Variants in MAP3K7 observed in about 807,000 individuals in gnomAD.
MAP3K7 encodes TGF-beta activated kinase 1.
Under a neutral mutation model 84.8 loss-of-function variants are expected in MAP3K7, and 21 were observed. The observed-to-expected ratio is 0.25, with a 90% CI of 0.18 to 0.36. MAP3K7 has a LOEUF of 0.36. Ranked by LOEUF, MAP3K7 falls within the 10% of genes least tolerant of loss-of-function variation. The pLI is 1.00. For missense variants in MAP3K7, 503 were observed against 747.7 expected, an observed-to-expected ratio of 0.67 and a Z score of 3.82; for synonymous variants, 241 against 247.7, an observed-to-expected ratio of 0.97 and a Z score of 0.25.
rs111435727 is a variant in MAP3K7 at position 90,542,707 on chromosome 6, C to T, written c.1291+1845G>A. Among the ~76,000 whole-genome samples, 166 of 152,020 alleles carry T rather than the reference C, an allele frequency of 1.1e-3. 1 individual carries two copies. Among genetic ancestry groups the T allele is most frequent in the African/African-American group, 3.5e-3 (145 of 41,510 alleles). On this transcript the variant is annotated intron_variant, in intron 12 of 16. Coordinates refer to ENST00000369329, the MANE Select transcript of MAP3K7 (RefSeq NM_145331.3). Reference sequence around the variant, plus strand: ...TCTGTTAAACAGCTATAATTTCATCCGATAACCTAGTTGTAAGATTGTATA... The same window carrying T: ...TCTGTTAAACAGCTATAATTTCATCTGATAACCTAGTTGTAAGATTGTATA...
chr6:90,547,999 G>A, intron 10 of MAP3K7, 48 bp downstream of exon 10: 1 of 1,503,552 alleles, frequency 6.7e-7, no homozygotes, highest in Non-Finnish European at 9.0e-7. Context: ...GTATAATATT[G>A]TGACTACTGG....
At chr6:90,585,888 A>G (rs1204257655) in intron 1 of MAP3K7, among the ~76,000 whole-genome samples, 2 of 152,178 alleles carry the variant, frequency 1.3e-5, no homozygotes, top group Non-Finnish European at 2.9e-5. Context: ...CATTAGCCCA[A>G]CTGAAAGCCG....
At chr6:90,526,291 C>T (rs1420061478) in intron 13 of MAP3K7, among the ~76,000 whole-genome samples, 2 of 152,082 alleles carry the variant, frequency 1.3e-5, no homozygotes, top group African/African-American at 4.8e-5. Context: ...ATGAAGAATA[C>T]ACATTCTTTT....
At chr6:90,532,216 G>A (rs1229060995) in intron 13 of MAP3K7, among the ~76,000 whole-genome samples, 1 of 152,102 alleles carries the variant, frequency 6.6e-6, no homozygotes, top group Non-Finnish European at 1.5e-5. Flanking sequence ...CATGATCCTT[G>A]ACACAAGGTT....
At chr6:90,576,199 G>A (rs558302100) in intron 1 of MAP3K7, among the ~76,000 whole-genome samples, 14 of 152,038 alleles carry the variant, frequency 9.2e-5, no homozygotes, top group Middle Eastern at 3.2e-3. Flanking sequence ...TGAGGCAGGC[G>A]GATCACGAGG....
intron 9 of MAP3K7, among the ~76,000 whole-genome samples, chr6:90,549,467 G>A (rs745579570): frequency 3.9e-4 from 59 of 152,302 alleles, no homozygotes; most frequent in African/African-American, 7.7e-4. Context: ...GGAGTAAGCC[G>A]AGTGTCAGCT....
At chr6:90,537,251 C>T (rs1172107983) in intron 12 of MAP3K7, 1 of 151,906 alleles carries the variant, frequency 6.6e-6, no homozygotes, top group Non-Finnish European at 1.5e-5. Flanking sequence ...ACAGCTGATA[C>T]AATACTCAAA....
At chr6:90,564,005 G>A (rs1025991368) in intron 3 of MAP3K7, among the ~76,000 whole-genome samples, 2 of 152,136 alleles carry the variant, frequency 1.3e-5, no homozygotes, top group Middle Eastern at 3.2e-3. Context: ...ATCCTTTACA[G>A]ACAAACAAAT....
At chr6:90,542,620 T>A (rs1454866358) in intron 12 of MAP3K7, 1 of 321,186 alleles carries the variant, frequency 3.1e-6, no homozygotes, top group Admixed American at 6.5e-5. Flanking sequence ...AAGATCTGGG[T>A]TGGGGTCCTG....
intron 3 of MAP3K7, among the ~76,000 whole-genome samples, chr6:90,563,838 A>C (rs2127980556): frequency 6.6e-6 from 1 of 152,350 alleles, no homozygotes; most frequent in African/African-American, 2.4e-5. Flanking sequence ...GTTACCCACA[A>C]AGGGAAGCCC....
intron 1 of MAP3K7, among the ~76,000 whole-genome samples, chr6:90,574,478 G>T (rs1317364077): frequency 6.6e-6 from 1 of 152,104 alleles, no homozygotes; most frequent in Non-Finnish European, 1.5e-5. Flanking sequence ...TTTCAACTTT[G>T]TGGCAACATT....
intron 12 of MAP3K7, among the ~76,000 whole-genome samples, chr6:90,541,106 A>G (rs1482669519): frequency 6.6e-6 from 1 of 151,984 alleles, no homozygotes; most frequent in Non-Finnish European, 1.5e-5. Flanking sequence ...AAGTCCTAGA[A>G]CAAAAAAAAT....
intron 1 of MAP3K7, among the ~76,000 whole-genome samples, chr6:90,580,314 A>G (rs1181740536): frequency 6.6e-6 from 1 of 152,248 alleles, no homozygotes; most frequent in African/African-American, 2.4e-5. Flanking sequence ...CAACTGAGGT[A>G]AACAATGAAA....
At chr6:90,544,302 G>A (rs1315927608) in intron 12 of MAP3K7, among the ~76,000 whole-genome samples, 2 of 152,066 alleles carry the variant, frequency 1.3e-5, no homozygotes, top group Admixed American at 6.6e-5. Flanking sequence ...AGAATTCTGG[G>A]TTGGTGTTCT....
chr6:90,566,906 C>T (rs1365673347), intron 3 of MAP3K7, among the ~76,000 whole-genome samples: 4 of 151,956 alleles, frequency 2.6e-5, no homozygotes, highest in African/African-American at 7.3e-5. Flanking sequence ...AGAAATAATA[C>T]CATACATCTA....
chr6:90,586,153 A>C (rs1318554699), intron 1 of MAP3K7, among the ~76,000 whole-genome samples: 1 of 151,828 alleles, frequency 6.6e-6, no homozygotes, highest in African/African-American at 2.4e-5. Context: ...CGGGTGGATC[A>C]TGAGGTCAGG....
chr6:90,576,198 C>T (rs538704130), intron 1 of MAP3K7, among the ~76,000 whole-genome samples: 8 of 151,826 alleles, frequency 5.3e-5, no homozygotes, highest in East Asian at 3.9e-4. Flanking sequence ...CTGAGGCAGG[C>T]GGATCACGAG....
chr6:90,554,867 T>C (rs1776287151), intron 6 of MAP3K7, among the ~76,000 whole-genome samples: 1 of 152,254 alleles, frequency 6.6e-6, no homozygotes, highest in African/African-American at 2.4e-5. Flanking sequence ...TGATTATTCA[T>C]TTATTACTAA....
Position 90,567,103 on chromosome 6 carries a change from A to G in MAP3K7, c.297+1455T>C, listed in dbSNP as rs576784985. Among the ~76,000 whole-genome samples the G allele has an allele frequency of 4.7e-3, 717 of 152,328 alleles. 7 individuals are homozygous for G. The highest frequency in any genetic ancestry group is 0.016 in the African/African-American group (677 of 41,564). ...ACTTAAATGTTAGACCTAAAACCAT[A>G]AAAACCCTAGAAGAAAACCTAGGCA... On this transcript the variant is annotated intron_variant, in intron 3 of 16. Coordinates refer to ENST00000369329, the MANE Select transcript of MAP3K7 (RefSeq NM_145331.3).
Sources: allele counts gnomAD v4.1 joint callset (sites outside exome capture counted in the v4.1 genomes callset), GRCh38; gene constraint gnomAD v4.1.1; transcripts MANE v1.5; gene names NCBI Gene and HGNC (gene_info 2026-07-23, HGNC 2026-07-21).